CPVL: variants seen among roughly 807,000 people sequenced by gnomAD.
CPVL encodes the protein probable serine carboxypeptidase CPVL.
Under a neutral mutation model 63.7 loss-of-function variants are expected in CPVL, and 51 were observed. The ratio of observed to expected loss-of-function variants is 0.80; its 90% CI spans 0.64 to 1.01. CPVL has a LOEUF of 1.01. Among genes scored for constraint, CPVL ranks in the 50% least tolerant of loss-of-function variants. The pLI is 0.00. For missense variants in CPVL, 530 were observed against 573.1 expected (o/e 0.92, Z 0.77); for synonymous variants, 195 against 206.0 (o/e 0.95, Z 0.46).
intron 4 of CPVL, among the ~76,000 whole-genome samples, chr7:29,183,725 C>A (rs967573793): frequency 2.0e-5 from 3 of 151,662 alleles, no homozygotes; most frequent in Non-Finnish European, 4.4e-5. Context: ...AGAAAGAGAA[C>A]CAATAAGAGA....
intron 11 of CPVL, among the ~76,000 whole-genome samples, chr7:29,034,271 A>AT (rs1184261611): frequency 6.6e-6 from 1 of 151,904 alleles, no homozygotes; most frequent in African/African-American, 2.4e-5. Flanking sequence ...CACCCAGCTA[A>AT]TTTTTTTGTA....
intron 3 of CPVL, among the ~76,000 whole-genome samples, chr7:29,101,899 C>A (rs915149117): frequency 6.6e-6 from 1 of 152,218 alleles, no homozygotes; most frequent in South Asian, 2.1e-4. Context: ...TATGCTTATT[C>A]ACTTAACAAT....
At chr7:29,144,319 G>T (rs1021504631) in intron 1 of CPVL, among the ~76,000 whole-genome samples, 1 of 150,900 alleles carries the variant, frequency 6.6e-6, no homozygotes, top group Non-Finnish European at 1.5e-5. Context: ...CCAGCACTTT[G>T]GAAGGCCGAG....
At chr7:29,181,738 C>G (rs1798081561) in intron 4 of CPVL, among the ~76,000 whole-genome samples, 1 of 152,134 alleles carries the variant, frequency 6.6e-6, no homozygotes, top group African/African-American at 2.4e-5. Context: ...CACTAATGAT[C>G]TTAACATTCC....
chr7:29,041,997 T>C (rs1043444560), intron 11 of CPVL, among the ~76,000 whole-genome samples: 5 of 152,198 alleles, frequency 3.3e-5, no homozygotes, highest in Admixed American at 6.5e-5. Flanking sequence ...TATATTTCTA[T>C]TGGACAGCAC....
intron 1 of CPVL, among the ~76,000 whole-genome samples, chr7:29,140,353 T>C (rs991308578): frequency 1.3e-5 from 2 of 152,138 alleles, no homozygotes; most frequent in Non-Finnish European, 2.9e-5. Flanking sequence ...AGAACTCAAC[T>C]CTTCAGAGAT....
chr7:29,005,494 G>A (rs1457442509), intron 12 of CPVL, among the ~76,000 whole-genome samples: 1 of 152,064 alleles, frequency 6.6e-6, no homozygotes, highest in Non-Finnish European at 1.5e-5. Context: ...TGAAATTAAT[G>A]AAGCAGCTTG....
At chr7:29,079,370 C>T (rs317723) in intron 7 of CPVL, among the ~76,000 whole-genome samples, 145,091 of 152,230 alleles carry the variant, frequency 0.95, 69,334 homozygotes, top group South Asian at 0.99. Context: ...ATCTTCAGGC[C>T]CTGGAGTCTG....
intron 11 of CPVL, among the ~76,000 whole-genome samples, chr7:29,043,006 G>A (rs1789270489): frequency 1.3e-5 from 2 of 152,172 alleles, no homozygotes; most frequent in African/African-American, 4.8e-5. Context: ...GAAAATTCCA[G>A]TTTGAATAAA....
chr7:29,130,668 G>A (rs1352907909), intron 1 of CPVL, among the ~76,000 whole-genome samples: 2 of 152,100 alleles, frequency 1.3e-5, no homozygotes, highest in Non-Finnish European at 2.9e-5. Flanking sequence ...TTGCAAAGCT[G>A]GAATCTGAAG....
chr7:29,046,733 T>C (rs1789659911), intron 11 of CPVL, among the ~76,000 whole-genome samples: 1 of 152,084 alleles, frequency 6.6e-6, no homozygotes, highest in Non-Finnish European at 1.5e-5. Context: ...AAATTCTATA[T>C]CACAAGGAAT....
chr7:29,118,530 A>G (rs1562777928), intron 2 of CPVL, among the ~76,000 whole-genome samples: 1 of 152,330 alleles, frequency 6.6e-6, no homozygotes, highest in South Asian at 2.1e-4. Context: ...CACTAAATAC[A>G]TTATCAAAGT....
At chr7:29,110,224 A>T (rs959424322) in intron 3 of CPVL, among the ~76,000 whole-genome samples, 3 of 152,192 alleles carry the variant, frequency 2.0e-5, no homozygotes, top group African/African-American at 7.2e-5. Flanking sequence ...AGAGTGGGGG[A>T]GGAGGACTAG....
intron 1 of CPVL, among the ~76,000 whole-genome samples, chr7:29,142,455 C>T (rs1333245946): frequency 6.6e-6 from 1 of 151,924 alleles, no homozygotes; most frequent in African/African-American, 2.4e-5. Flanking sequence ...CCAATCAGCC[C>T]CTCAAACCCA....
At chr7:29,130,604 G>A (rs1790583283) in intron 1 of CPVL, among the ~76,000 whole-genome samples, 1 of 152,142 alleles carries the variant, frequency 6.6e-6, no homozygotes. Flanking sequence ...ATATCCATAT[G>A]AGTAAACTCA....
intron 11 of CPVL, among the ~76,000 whole-genome samples, chr7:29,060,947 G>A (rs184644558): frequency 2.6e-4 from 39 of 152,290 alleles, no homozygotes; most frequent in Non-Finnish European, 5.6e-4. Context: ...TAACAGACAA[G>A]CCAAAGATAA....
intron 12 of CPVL, among the ~76,000 whole-genome samples, chr7:29,028,921 C>T (rs1241847753): frequency 6.7e-6 from 1 of 149,756 alleles, no homozygotes; most frequent in Admixed American, 6.7e-5. Flanking sequence ...GCCGAGAGAT[C>T]CTGCCACGGC....
chr7:29,092,235 TAG>T (rs1785890447), intron 6 of CPVL, among the ~76,000 whole-genome samples: 1 of 150,594 alleles, frequency 6.6e-6, no homozygotes, highest in Non-Finnish European at 1.5e-5. Flanking sequence ...GAGAGAATAC[TAG>T]AGACTAACAA....
chr7:29,073,607 C>T (rs536022474), intron 7 of CPVL, among the ~76,000 whole-genome samples: 18 of 152,310 alleles, frequency 1.2e-4, no homozygotes, highest in Admixed American at 7.2e-4. Context: ...CCATTCCCTC[C>T]ACCTGGAATG....
Sources: gnomAD v4.1 joint callset for allele counts (sites outside exome capture counted in the v4.1 genomes callset) on GRCh38, gnomAD v4.1.1 for gene constraint, MANE v1.5 for transcripts, NCBI Gene and HGNC (gene_info 2026-07-23, HGNC 2026-07-21) for gene names.